Variants in CHSY1 observed in about 807,000 individuals in gnomAD.
The protein encoded by CHSY1 is chondroitin sulfate synthase 1, also known as N-acetylgalactosaminyl-proteoglycan 3-beta-glucuronosyltransferase 1.
Under a neutral mutation model 59.8 loss-of-function variants are expected in CHSY1, and 13 were observed. That is an observed-to-expected ratio of 0.22 (90% confidence interval 0.14 to 0.35). CHSY1 has a LOEUF of 0.35. Ranked by LOEUF, CHSY1 falls within the 10% of genes least tolerant of loss-of-function variation. The pLI is 1.00. For missense variants in CHSY1, 947 were observed against 1,030.6 expected, an observed-to-expected ratio of 0.92 and a Z score of 1.11; for synonymous variants, 459 against 401.2, an observed-to-expected ratio of 1.14 and a Z score of -1.72.
At chr15:101,250,202 C>T (rs902321960) in intron 1 of CHSY1, among the ~76,000 whole-genome samples, 1 of 152,210 alleles carries the variant, frequency 6.6e-6, no homozygotes, top group African/African-American at 2.4e-5. Context: ...CCATTCCCCA[C>T]ATTGGTTTGC....
chr15:101,212,295 C>T (rs934982445), intron 2 of CHSY1, among the ~76,000 whole-genome samples: 6 of 152,068 alleles, frequency 3.9e-5, no homozygotes, highest in Admixed American at 3.3e-4. Context: ...ATCCTCTGAC[C>T]GAGCAATTCC....
intron 1 of CHSY1, among the ~76,000 whole-genome samples, chr15:101,244,183 C>T (rs1162485104): frequency 2.6e-5 from 4 of 152,140 alleles, no homozygotes; most frequent in Non-Finnish European, 4.4e-5. Flanking sequence ...TCACCCAATG[C>T]CATCCGGAAC....
Position 101,194,600 on chromosome 15 carries a change from G to A in CHSY1, c.817-15620C>T, listed in dbSNP as rs537052277. On this transcript the variant is annotated intron_variant, in intron 2 of 2. Coordinates refer to ENST00000254190, the MANE Select transcript of CHSY1 (RefSeq NM_014918.5). ...CATAATAATCAGGTGCTGAACGGAAGAGGATGCGACAGCTGCTTCTGAACA... is the reference window on the plus strand; with the variant it reads ...CATAATAATCAGGTGCTGAACGGAAAAGGATGCGACAGCTGCTTCTGAACA... 2.0e-5 allele frequency among the ~76,000 whole-genome samples: 3 copies of A among 152,304 alleles called. No homozygotes were observed. In the South Asian group the frequency reaches 6.2e-4, roughly 32 times the overall value.
rs556065115 is a variant in CHSY1, at chr15:101,177,477, T to A, written c.2320A>T (p.Thr774Ser). The change falls in exon 3 of 3, where the codon ACC becomes TCC. Residue 774 changes from threonine to serine, a missense_variant. Coordinates refer to ENST00000254190, the MANE Select transcript of CHSY1 (RefSeq NM_014918.5). ...AGCCACATCTCAGCCAGCTGCTGGG[T>A]GGACCCATAGGTCGATGCTTTGGAC... ...LGSKASTYGS[T>S]QQLAEMWLEK... 93 of 1,613,594 alleles carry A rather than the reference T, an allele frequency of 5.8e-5. 1 individual carries two copies. The South Asian group carries it at 9.9e-4, about 17-fold the overall frequency.
intron 2 of CHSY1, among the ~76,000 whole-genome samples, chr15:101,207,140 G>A (rs2038635042): frequency 6.6e-6 from 1 of 152,184 alleles, no homozygotes; most frequent in Non-Finnish European, 1.5e-5. Flanking sequence ...TTCTCAGAAA[G>A]GGTCTACTCT....
At chr15:101,238,726 T>C (rs2038972182) in intron 1 of CHSY1, among the ~76,000 whole-genome samples, 1 of 152,132 alleles carries the variant, frequency 6.6e-6, no homozygotes, top group African/African-American at 2.4e-5. Context: ...AAATAACTCA[T>C]TAACAAAGAA....
intron 1 of CHSY1, among the ~76,000 whole-genome samples, chr15:101,237,245 A>C (rs1011875213): frequency 4.0e-5 from 6 of 151,442 alleles, no homozygotes; most frequent in Admixed American, 6.6e-5. Context: ...AAAAAAAAAA[A>C]AAACAGAGGC....
chr15:101,216,604 C>T (rs1025432020), intron 2 of CHSY1, among the ~76,000 whole-genome samples: 1 of 152,108 alleles, frequency 6.6e-6, no homozygotes, highest in South Asian at 2.1e-4. Context: ...ATGCAGACTC[C>T]TAGGTGAAAG....
At chr15:101,192,877 G>A (rs56220789) in intron 2 of CHSY1, among the ~76,000 whole-genome samples, 2,425 of 152,266 alleles carry the variant, frequency 0.016, 30 homozygotes, top group East Asian at 0.075. Context: ...TAAACTGTCA[G>A]CCAGCCCTTT....
intron 2 of CHSY1, among the ~76,000 whole-genome samples, chr15:101,231,461 C>T (rs1256304652): frequency 6.6e-6 from 1 of 152,198 alleles, no homozygotes; most frequent in Admixed American, 6.5e-5. Flanking sequence ...AAGACGTATT[C>T]CTATAAGCCC....
At chr15:101,227,325 T>A (rs2038850145) in intron 2 of CHSY1, among the ~76,000 whole-genome samples, 1 of 152,148 alleles carries the variant, frequency 6.6e-6, no homozygotes, top group Admixed American at 6.5e-5. Context: ...GACCTTGCAA[T>A]GTTGTCTTTA....
intron 2 of CHSY1, among the ~76,000 whole-genome samples, chr15:101,222,221 G>C (rs900706563): frequency 6.6e-6 from 1 of 152,188 alleles, no homozygotes; most frequent in Non-Finnish European, 1.5e-5. Flanking sequence ...AGTCACAGAG[G>C]ATCTAGTCTT....
chr15:101,188,387 G>T (rs892280356), intron 2 of CHSY1, among the ~76,000 whole-genome samples: 7 of 151,888 alleles, frequency 4.6e-5, no homozygotes, highest in African/African-American at 1.7e-4. Flanking sequence ...TGAAAGAGTG[G>T]GTCTGTTAAT....
Position 101,179,318 on chromosome 15 carries a change from C to T in CHSY1, c.817-338G>A, listed in dbSNP as rs546118733. On this transcript the variant is annotated intron_variant, in intron 2 of 2. Transcript: ENST00000254190. The stretch of plus-strand genomic sequence containing the variant: ...AGATAAAGCCACCCCCGTCCCACTA[C>T]GCCTGTGAAAGGGACCCACAGAGTC... 3.0e-4 allele frequency among the ~76,000 whole-genome samples: 45 copies of T among 152,336 alleles called. No homozygotes were observed. In the South Asian group the frequency reaches 6.2e-3, roughly 21 times the overall value.
chr15:101,216,041 T>C (rs776421744), intron 2 of CHSY1, among the ~76,000 whole-genome samples: 1 of 152,096 alleles, frequency 6.6e-6, no homozygotes, highest in Non-Finnish European at 1.5e-5. Context: ...GGCGTAAACA[T>C]GCCTAACTTT....
intron 1 of CHSY1, among the ~76,000 whole-genome samples, chr15:101,240,787 C>T (rs1040667854): frequency 6.6e-6 from 1 of 152,164 alleles, no homozygotes; most frequent in Admixed American, 6.5e-5. Context: ...ACAAGCTTAG[C>T]GTTCCAATAA....
chr15:101,250,716 G>C (rs575509688), intron 1 of CHSY1, among the ~76,000 whole-genome samples: 1 of 152,340 alleles, frequency 6.6e-6, no homozygotes, highest in African/African-American at 2.4e-5. Context: ...ACGGGCTCCA[G>C]CTTTGCAAGG....
chr15:101,250,587 A>T (rs1466116110), intron 1 of CHSY1, among the ~76,000 whole-genome samples: 2 of 152,150 alleles, frequency 1.3e-5, no homozygotes, highest in Non-Finnish European at 1.5e-5. Context: ...CTCTCTCTGT[A>T]CTCAACAGAC....
intron 1 of CHSY1, among the ~76,000 whole-genome samples, chr15:101,239,160 T>A (rs1267797095): frequency 6.6e-6 from 1 of 152,210 alleles, no homozygotes; most frequent in African/African-American, 2.4e-5. Context: ...TGTAAATAAT[T>A]TCAGTGCTTG....
Sources: gnomAD v4.1 joint callset for allele counts (sites outside exome capture counted in the v4.1 genomes callset) on GRCh38, gnomAD v4.1.1 for gene constraint, MANE v1.5 for transcripts, NCBI Gene and HGNC (gene_info 2026-07-23, HGNC 2026-07-21) for gene names.